RPH3AL: variants seen among roughly 807,000 people sequenced by gnomAD.
The protein encoded by RPH3AL is rab effector Noc2.
Under a neutral mutation model 43.1 loss-of-function variants are expected in RPH3AL, and 38 were observed. The observed-to-expected ratio is 0.88, with a 90% confidence interval of 0.68 to 1.15. The LOEUF is 1.15. RPH3AL is among the 50% of genes most tolerant of loss of function. The pLI is 0.00. For synonymous variants in RPH3AL, 189 were observed against 176.3 expected (o/e 1.07, Z -0.57); for missense variants, 462 against 423.2 (o/e 1.09, Z -0.81).
intron 5 of RPH3AL, among the ~76,000 whole-genome samples, chr17:297,135 C>T (rs59085405): frequency 0.055 from 8,399 of 152,250 alleles, 1,074 homozygotes; most frequent in East Asian, 0.54. Context: ...GGGCTTGGGG[C>T]GATTCCAGAT....
intron 8 of RPH3AL, among the ~76,000 whole-genome samples, chr17:218,081 G>A (rs1008804184): frequency 2.2e-5 from 3 of 135,780 alleles, no homozygotes; most frequent in Non-Finnish European, 3.1e-5. Flanking sequence ...CCCATCTGGG[G>A]CAGTTATTAT....
chr17:331,001 C>T (rs1056106898), intron 2 of RPH3AL: 3 of 152,124 alleles, frequency 2.0e-5, no homozygotes, highest in East Asian at 1.9e-4. Context: ...TGAGACAGGC[C>T]GGAGCAACCG....
intron 6 of RPH3AL, among the ~76,000 whole-genome samples, chr17:273,180 T>C (rs866194813): frequency 0.013 from 115 of 8,896 alleles, 52 homozygotes; most frequent in East Asian, 0.032. Flanking sequence ...CCAGCGCGGG[T>C]GACGTCAGGG....
At chr17:232,468 C>G (rs2041251470) in intron 7 of RPH3AL, among the ~76,000 whole-genome samples, 1 of 152,174 alleles carries the variant, frequency 6.6e-6, no homozygotes, top group African/African-American at 2.4e-5. Context: ...GCAAATGGTA[C>G]CCAGGCCTCG....
At chr17:269,130 G>A (rs1368730971) in intron 6 of RPH3AL, among the ~76,000 whole-genome samples, 4 of 152,098 alleles carry the variant, frequency 2.6e-5, no homozygotes, top group Non-Finnish European at 4.4e-5. Context: ...CGCCCGCCTT[G>A]GCTTCCTAAA....
At chr17:248,703 C>G (rs934307006) in intron 6 of RPH3AL, among the ~76,000 whole-genome samples, 2 of 152,212 alleles carry the variant, frequency 1.3e-5, no homozygotes, top group Non-Finnish European at 2.9e-5. Flanking sequence ...CCTGCTGTCC[C>G]TGGAAGCAAG....
intron 7 of RPH3AL, among the ~76,000 whole-genome samples, chr17:243,754 C>CCCTTCCTCTATTGACTA (rs2041658479): frequency 7.2e-6 from 1 of 138,498 alleles, no homozygotes; most frequent in African/African-American, 2.6e-5. Context: ...CTATTGATTA[C>CCCTTCCTCTATTGACTA]CCTTCCTCTA....
chr17:240,339 G>C (rs1022244512), intron 7 of RPH3AL, among the ~76,000 whole-genome samples: 1 of 152,026 alleles, frequency 6.6e-6, no homozygotes, highest in African/African-American at 2.4e-5. Flanking sequence ...CCCTCAGAAA[G>C]TATACAAGTC....
At chr17:335,175 C>T (rs1292508167) in intron 1 of RPH3AL, among the ~76,000 whole-genome samples, 6 of 152,144 alleles carry the variant, frequency 3.9e-5, no homozygotes, top group African/African-American at 9.7e-5. Flanking sequence ...CTGTGACCCC[C>T]GAGCGACTGT....
rs2041890627 is a variant in RPH3AL, at chr17:251,000, C to G, written c.439-3715G>C. On this transcript the variant is annotated intron_variant, in intron 6 of 9. Transcript: ENST00000331302. Reference sequence around the variant, plus strand: ...CACCGTGCTCTCTACCCGCAATCTGCCTGGATGGTTTTCCTAGAGAAACTA... The same window carrying G: ...CACCGTGCTCTCTACCCGCAATCTGGCTGGATGGTTTTCCTAGAGAAACTA... Among the ~76,000 whole-genome samples, 5 of 152,250 alleles carry G rather than the reference C, an allele frequency of 3.3e-5. No individual in the cohort carries two copies. The South Asian group carries it at 1.0e-3, about 31-fold the overall frequency.
chr17:214,029 G>T, intron 9 of RPH3AL, 106 bp from the exon 10 acceptor site: 1 of 825,800 alleles, frequency 1.2e-6, no homozygotes, highest in Non-Finnish European at 1.9e-6. Context: ...TGGTGGGGAA[G>T]GCAGGCTTCT....
intron 6 of RPH3AL, among the ~76,000 whole-genome samples, chr17:253,262 G>C (rs1347716448): frequency 1.3e-5 from 2 of 152,166 alleles, no homozygotes; most frequent in African/African-American, 4.8e-5. Flanking sequence ...AGCCAGTCAA[G>C]GCCCTGTTTA....
intron 5 of RPH3AL, among the ~76,000 whole-genome samples, chr17:317,247 T>C (rs1161791059): frequency 1.3e-5 from 2 of 150,362 alleles, no homozygotes; most frequent in African/African-American, 4.9e-5. Flanking sequence ...CCACCTCCAT[T>C]GACCTGCAGT....
intron 5 of RPH3AL, among the ~76,000 whole-genome samples, chr17:291,160 G>A (rs555417541): frequency 1.3e-5 from 2 of 152,338 alleles, no homozygotes; most frequent in African/African-American, 4.8e-5. Context: ...TGTAGGGAAG[G>A]CATTATTCTA....
intron 5 of RPH3AL, among the ~76,000 whole-genome samples, chr17:316,491 G>A (rs1244955608): frequency 2.0e-5 from 3 of 146,382 alleles, no homozygotes; most frequent in African/African-American, 5.1e-5. Flanking sequence ...CACCTCCACT[G>A]ACCTGTAGTC....
At chr17:315,962 C>T (rs867958282) in intron 5 of RPH3AL, among the ~76,000 whole-genome samples, 233 of 95,832 alleles carry the variant, frequency 2.4e-3, no homozygotes, top group Middle Eastern at 6.0e-3. Context: ...TCCCTGTGAC[C>T]CCACCTCCAC....
intron 5 of RPH3AL, 144 bp downstream of exon 5, chr17:319,276 T>G (rs948219492): frequency 2.0e-6 from 2 of 1,013,292 alleles, no homozygotes; most frequent in African/African-American, 3.3e-5. Context: ...TTTTTAAGTC[T>G]TAGTGCTTCT....
chr17:341,916 G>C (rs1311915172), intron 1 of RPH3AL, among the ~76,000 whole-genome samples: 1 of 152,146 alleles, frequency 6.6e-6, no homozygotes, highest in Non-Finnish European at 1.5e-5. Context: ...TATCGAGAAG[G>C]TGAAAAGACA....
chr17:329,787 A>G (rs1258486807), intron 2 of RPH3AL, among the ~76,000 whole-genome samples: 1 of 152,228 alleles, frequency 6.6e-6, no homozygotes, highest in Non-Finnish European at 1.5e-5. Context: ...GTTTCGCTGA[A>G]GTCCTTGAAG....
Sources: allele counts gnomAD v4.1 joint callset (sites outside exome capture counted in the v4.1 genomes callset), GRCh38; gene constraint gnomAD v4.1.1; transcripts MANE v1.5; gene names NCBI Gene and HGNC (gene_info 2026-07-23, HGNC 2026-07-21).